TRPC4: variants seen among roughly 807,000 people sequenced by gnomAD.
The protein encoded by TRPC4 is short transient receptor potential channel 4.
TRPC4 carries 49 observed loss-of-function variants against 99.4 expected under a neutral mutation model. That is an observed-to-expected ratio of 0.49 (90% CI 0.39 to 0.63). The LOEUF is 0.63. Ranked by LOEUF, TRPC4 falls within the 20% of genes least tolerant of loss-of-function variation. TRPC4 has a pLI of 0.00. For synonymous variants in TRPC4, 454 were observed against 425.9 expected, an observed-to-expected ratio of 1.07 and a Z score of -0.81; for missense variants, 898 against 1,152.9, an observed-to-expected ratio of 0.78 and a Z score of 3.20.
At chr13:37,819,371 T>C (rs935500003) in intron 1 of TRPC4, among the ~76,000 whole-genome samples, 6 of 152,062 alleles carry the variant, frequency 3.9e-5, no homozygotes, top group African/African-American at 1.4e-4. Flanking sequence ...AAAAGACACA[T>C]GAATGTGTAT....
chr13:37,745,851 C>T, intron 3 of TRPC4, 86 bp downstream of exon 3: 1 of 1,491,154 alleles, frequency 6.7e-7, no homozygotes, highest in East Asian at 2.3e-5. Flanking sequence ...TGCTCTAAAA[C>T]CCAAAACTAA....
At chr13:37,839,499 G>A (rs192086015) in intron 1 of TRPC4, among the ~76,000 whole-genome samples, 20 of 152,250 alleles carry the variant, frequency 1.3e-4, no homozygotes, top group Non-Finnish European at 4.4e-5. Flanking sequence ...GAAACCACCT[G>A]AGAGCTTTAA....
intron 8 of TRPC4, among the ~76,000 whole-genome samples, chr13:37,650,820 A>AT (rs1555250457): frequency 6.6e-6 from 1 of 151,950 alleles, no homozygotes; most frequent in Non-Finnish European, 1.5e-5. Flanking sequence ...TTGTGCAGGG[A>AT]CTTTGTTAGG....
At chr13:37,745,479 C>T (rs937504280) in intron 3 of TRPC4, among the ~76,000 whole-genome samples, 2,936 of 36,694 alleles carry the variant, frequency 0.08, 117 homozygotes, top group African/African-American at 0.099. Context: ...TATATACACA[C>T]ACACACACAC....
chr13:37,850,395 G>T (rs1469977658), intron 1 of TRPC4, among the ~76,000 whole-genome samples: 1 of 152,134 alleles, frequency 6.6e-6, no homozygotes, highest in African/African-American at 2.4e-5. Flanking sequence ...TCTACAATTT[G>T]TTATTTTATA....
intron 3 of TRPC4, among the ~76,000 whole-genome samples, chr13:37,745,456 A>ATATGCG (rs1289179797): frequency 1.0e-3 from 3 of 3,014 alleles, no homozygotes; most frequent in African/African-American, 1.6e-3. Flanking sequence ...ATATATATAT[A>ATATGCG]TATATATATA....
At chr13:37,784,089 C>T (rs1158664038) in intron 1 of TRPC4, among the ~76,000 whole-genome samples, 1 of 151,830 alleles carries the variant, frequency 6.6e-6, no homozygotes, top group Non-Finnish European at 1.5e-5. Context: ...ATACTGAGCC[C>T]AATGAACATA....
intron 5 of TRPC4, among the ~76,000 whole-genome samples, chr13:37,664,223 T>C (rs936998004): frequency 1.3e-5 from 2 of 152,118 alleles, no homozygotes; most frequent in Non-Finnish European, 2.9e-5. Context: ...TTAAAACATA[T>C]AAAAAGCAAA....
At chr13:37,816,634 G>A (rs1420978617) in intron 1 of TRPC4, among the ~76,000 whole-genome samples, 1 of 151,708 alleles carries the variant, frequency 6.6e-6, no homozygotes. Context: ...CAAGAAAATA[G>A]TCACAAACAG....
chr13:37,639,354 AAAAT>A, intron 8 of TRPC4, 55 bp from the exon 9 acceptor site: 1 of 1,514,326 alleles, frequency 6.6e-7, no homozygotes, highest in South Asian at 1.3e-5. Flanking sequence ...ACTATTCTAA[AAAAT>A]AATTTATTTT....
intron 8 of TRPC4, 42 bp from the exon 9 acceptor site, chr13:37,639,341 A>G (rs764984263): frequency 3.9e-6 from 6 of 1,546,026 alleles, no homozygotes; most frequent in Non-Finnish European, 5.2e-6. Flanking sequence ...ATACTGTTAT[A>G]TTACTATTCT....
In TRPC4 at chr13:37,633,503, G is replaced by C. The variant is rs1006451673; in HGVS notation, c.*3400C>G. Among the ~76,000 whole-genome samples the C allele has an allele frequency of 2.0e-5, 3 of 152,076 alleles. No homozygotes were observed. The highest frequency in any genetic ancestry group is 4.4e-5 in the Non-Finnish European group (3 of 68,008). On this transcript the variant is annotated 3_prime_UTR_variant, in exon 11 of 11. Coordinates refer to ENST00000379705, the MANE Select transcript of TRPC4 (RefSeq NM_016179.4). ...TCAGCTAAATCCCAGAGTTATTAAG[G>C]ATTATTGAATGTTAGAAGAATATAT...
chr13:37,653,594 C>T (rs1347164790), intron 7 of TRPC4, among the ~76,000 whole-genome samples: 3 of 152,108 alleles, frequency 2.0e-5, no homozygotes, highest in African/African-American at 7.2e-5. Flanking sequence ...TTCTCAGTGA[C>T]TCTTTGGTTC....
At chr13:37,669,019 G>A (rs1179950119) in intron 5 of TRPC4, among the ~76,000 whole-genome samples, 3 of 152,238 alleles carry the variant, frequency 2.0e-5, no homozygotes, top group East Asian at 3.9e-4. Flanking sequence ...GCAGACTAAA[G>A]TTACATCATT....
Position 37,681,433 on chromosome 13 carries a change from T to A in TRPC4, c.1235-7066A>T, listed in dbSNP as rs1216658781. Among the ~76,000 whole-genome samples the A allele has an allele frequency of 3.9e-5, 6 of 152,250 alleles. No homozygotes were observed. In the East Asian group the frequency reaches 9.6e-4, roughly 24 times the overall value. On this transcript the variant is annotated intron_variant, in intron 4 of 10. Transcript: ENST00000379705. Reference sequence around the variant, plus strand: ...AGATTGCCAATCAATGTCTGTTGGCTAATGTGGTAATGTGTTGGTATCTTT... The same window carrying A: ...AGATTGCCAATCAATGTCTGTTGGCAAATGTGGTAATGTGTTGGTATCTTT...
At chr13:37,738,784 A>G (rs1157462926) in intron 3 of TRPC4, among the ~76,000 whole-genome samples, 1 of 152,184 alleles carries the variant, frequency 6.6e-6, no homozygotes, top group African/African-American at 2.4e-5. Flanking sequence ...CTAAGCAGTG[A>G]CGGTGGGCAT....
At chr13:37,779,734 C>T (rs1333375) in intron 2 of TRPC4, among the ~76,000 whole-genome samples, 78,966 of 151,782 alleles carry the variant, frequency 0.52, 21,076 homozygotes, top group East Asian at 0.78. Flanking sequence ...TAACTAACTC[C>T]TAGGTATTAA....
At position 37,792,762 on chromosome 13, in the gene TRPC4, C is replaced by T. The variant is rs1328832811; in HGVS notation, c.-27-9402G>A. On this transcript the variant is annotated intron_variant, in intron 1 of 10. Transcript: ENST00000379705. The stretch of plus-strand genomic sequence containing the variant: ...GTGTGTGTGTGTGTGTGTGTGTGTA[C>T]GTGGATGTGCAAACAAAAAAAAAGA... Among the ~76,000 whole-genome samples, 21 of 125,682 alleles carry T rather than the reference C, an allele frequency of 1.7e-4. No individual in the cohort carries two copies. The East Asian group carries it at 3.1e-3, about 19-fold the overall frequency. The allele number at this position is 125,682 out of a possible 152,430, so 82.5% of individuals were successfully genotyped here.
chr13:37,720,242 C>A (rs1954823667), intron 3 of TRPC4, among the ~76,000 whole-genome samples: 1 of 151,952 alleles, frequency 6.6e-6, no homozygotes, highest in Admixed American at 6.6e-5. Context: ...AGCCACTATG[C>A]AAAAATCTGT....
Sources: allele counts gnomAD v4.1 joint callset (sites outside exome capture counted in the v4.1 genomes callset), GRCh38; gene constraint gnomAD v4.1.1; transcripts MANE v1.5; gene names NCBI Gene and HGNC (gene_info 2026-07-23, HGNC 2026-07-21).